The following SLCO5A1 variants were observed in gnomAD, a reference collection of about 807,000 sequenced individuals.
The protein encoded by SLCO5A1 is solute carrier organic anion transporter family member 5A1, also known as organic anion transporter polypeptide-related protein 4.
In SLCO5A1, 39 loss-of-function variants were observed where a neutral mutation model predicts 65.1. The observed-to-expected ratio is 0.60, with a 90% CI of 0.46 to 0.78. The LOEUF (loss-of-function observed/expected upper bound fraction) is 0.78. Ranked by LOEUF, SLCO5A1 falls within the 30% of genes least tolerant of loss-of-function variation. The pLI is 0.00. For synonymous variants in SLCO5A1, 438 were observed against 415.7 expected (o/e 1.05, Z -0.65); for missense variants, 1,029 against 1,069.4 (o/e 0.96, Z 0.53).
intron 2 of SLCO5A1, among the ~76,000 whole-genome samples, chr8:69,802,162 G>A (rs1368753082): frequency 6.6e-6 from 1 of 152,032 alleles, no homozygotes; most frequent in African/African-American, 2.4e-5. Flanking sequence ...ATTAATAATG[G>A]GGATCAGCAC....
chr8:69,780,002 T>C (rs57731801), intron 2 of SLCO5A1, among the ~76,000 whole-genome samples: 1 of 152,004 alleles, frequency 6.6e-6, no homozygotes, highest in South Asian at 2.1e-4. Context: ...CATGAATAGA[T>C]AATTTTCAAC....
rs1452270362 is a variant in SLCO5A1 at position 69,761,975 on chromosome 8, A to G, written c.908-100T>C. 2.1e-6 allele frequency: 3 copies of G among 1,439,586 alleles called. No homozygotes were observed. In the Admixed American group the frequency reaches 6.5e-5, roughly 31 times the overall value. 89.2% of individuals were successfully genotyped at this position (1,439,586 alleles called of 1,614,324 possible). A position where few individuals can be genotyped will look rare whatever the true frequency, so the allele number is the denominator to read the frequency against. On this transcript the variant is annotated intron_variant, in intron 2 of 9. Transcript: ENST00000260126. ...CATACCACAGACATCTCACAGTTCA[A>G]TCCAGTTAACTTCCAAAAACGGAGA...
intron 2 of SLCO5A1, among the ~76,000 whole-genome samples, chr8:69,811,208 G>A (rs561197171): frequency 6.6e-6 from 1 of 152,140 alleles, no homozygotes; most frequent in South Asian, 2.1e-4. Context: ...GTCCAGAACT[G>A]GATAGAGAAA....
intron 5 of SLCO5A1, among the ~76,000 whole-genome samples, chr8:69,736,046 C>T (rs895714180): frequency 2.0e-5 from 3 of 152,170 alleles, no homozygotes; most frequent in African/African-American, 7.2e-5. Context: ...ATTGTATAAA[C>T]TGCATTGGCT....
intron 2 of SLCO5A1, among the ~76,000 whole-genome samples, chr8:69,762,118 T>TTTTCTTTCTTTCTTTCTTTC (rs552749800): frequency 1.7e-4 from 18 of 104,710 alleles, no homozygotes; most frequent in Admixed American, 5.0e-4. Flanking sequence ...TTTTGTTTTG[T>TTTTCTTTCTTTCTTTCTTTC]TTTCTTTCTT....
intron 6 of SLCO5A1, among the ~76,000 whole-genome samples, chr8:69,698,626 C>G (rs1405560589): frequency 1.3e-5 from 2 of 152,170 alleles, no homozygotes; most frequent in Non-Finnish European, 2.9e-5. Flanking sequence ...AGCATTTTTT[C>G]ATATGCTTGT....
At chr8:69,728,748 GAAA>G (rs1002620244) in intron 5 of SLCO5A1, among the ~76,000 whole-genome samples, 6 of 151,916 alleles carry the variant, frequency 3.9e-5, no homozygotes, top group Non-Finnish European at 5.9e-5. Context: ...AAAGTCATTA[GAAA>G]AAAGATTTTT....
chr8:69,790,513 ACG>A (rs2130891881), intron 2 of SLCO5A1, among the ~76,000 whole-genome samples: 1 of 152,130 alleles, frequency 6.6e-6, no homozygotes, highest in East Asian at 1.9e-4. Flanking sequence ...GGTGGCACAC[ACG>A]TGTAGTCCCA....
chr8:69,766,405 C>G (rs1335690432), intron 2 of SLCO5A1, among the ~76,000 whole-genome samples: 1 of 152,210 alleles, frequency 6.6e-6, no homozygotes, highest in African/African-American at 2.4e-5. Flanking sequence ...TCATCACTCC[C>G]TGTTCCCTAG....
intron 5 of SLCO5A1, among the ~76,000 whole-genome samples, chr8:69,727,733 T>C (rs1209620071): frequency 6.6e-6 from 1 of 152,234 alleles, no homozygotes; most frequent in East Asian, 1.9e-4. Context: ...GTATAGGCTT[T>C]TTAAAGTATT....
chr8:69,695,634 G>C (rs928275871), intron 6 of SLCO5A1, among the ~76,000 whole-genome samples: 3 of 151,968 alleles, frequency 2.0e-5, no homozygotes, highest in Non-Finnish European at 4.4e-5. Context: ...AACCAGGAGA[G>C]ATGAACTTTA....
At chr8:69,754,249 ACT>A (rs1178447518) in intron 4 of SLCO5A1, among the ~76,000 whole-genome samples, 1 of 152,196 alleles carries the variant, frequency 6.6e-6, no homozygotes, top group African/African-American at 2.4e-5. Flanking sequence ...AAAAGTGCAC[ACT>A]GTCACAAAAT....
At chr8:69,746,259 T>TA (rs1043270166) in intron 4 of SLCO5A1, among the ~76,000 whole-genome samples, 3 of 152,198 alleles carry the variant, frequency 2.0e-5, no homozygotes. Flanking sequence ...TTCCTTAGGA[T>TA]AGATATTGCC....
intron 2 of SLCO5A1, among the ~76,000 whole-genome samples, chr8:69,768,558 C>T (rs759120288): frequency 1.1e-4 from 16 of 152,194 alleles, no homozygotes; most frequent in Non-Finnish European, 1.5e-4. Context: ...ATCAAGGTGC[C>T]ATCGGCACTG....
intron 2 of SLCO5A1, among the ~76,000 whole-genome samples, chr8:69,796,229 C>A (rs1173847317): frequency 6.6e-6 from 1 of 152,016 alleles, no homozygotes. Context: ...CTGAATTCCT[C>A]CCTAGAAAAT....
intron 2 of SLCO5A1, among the ~76,000 whole-genome samples, chr8:69,775,782 G>A (rs980482260): frequency 2.0e-5 from 3 of 152,074 alleles, no homozygotes; most frequent in Non-Finnish European, 4.4e-5. Flanking sequence ...GGGAGGCCAC[G>A]GCGGGAAGAT....
intron 4 of SLCO5A1, 87 bp downstream of exon 4, chr8:69,755,337 T>C (rs1817491958): frequency 1.9e-6 from 2 of 1,054,106 alleles, no homozygotes; most frequent in Middle Eastern, 3.1e-4. Context: ...CCACAGACAG[T>C]GGGTAGACAG....
intron 2 of SLCO5A1, among the ~76,000 whole-genome samples, chr8:69,792,878 C>T (rs1022662921): frequency 3.3e-5 from 5 of 151,728 alleles, no homozygotes; most frequent in Admixed American, 2.0e-4. Flanking sequence ...GAGTGGTATA[C>T]TCTTTGGAAA....
At chr8:69,792,421 T>C (rs1442084000) in intron 2 of SLCO5A1, among the ~76,000 whole-genome samples, 1 of 152,008 alleles carries the variant, frequency 6.6e-6, no homozygotes, top group Admixed American at 6.6e-5. Flanking sequence ...ATAGCAGAGA[T>C]AGAGTAATGT....
Sources: gnomAD v4.1 joint callset for allele counts (sites outside exome capture counted in the v4.1 genomes callset) on GRCh38, gnomAD v4.1.1 for gene constraint, MANE v1.5 for transcripts, NCBI Gene and HGNC (gene_info 2026-07-23, HGNC 2026-07-21) for gene names.